The following CIMIP5 variants were observed in gnomAD, a reference collection of about 807,000 sequenced individuals.
The protein encoded by CIMIP5 is ciliary microtubule inner protein 5, also known as uncharacterized protein C2orf50.
At chr2:11,151,277 C>T in the CIMIP5 span, among the ~76,000 whole-genome samples, 1 of 152,208 alleles carries the variant, frequency 6.6e-6, no homozygotes, top group African/African-American at 2.4e-5. Context: ...GGGGACGTGT[C>T]GTCAGGACCT....
the CIMIP5 span, among the ~76,000 whole-genome samples, chr2:11,151,653 A>G: frequency 6.6e-6 from 1 of 152,354 alleles, no homozygotes; most frequent in African/African-American, 2.4e-5. Flanking sequence ...TTGGTTTTAG[A>G]CGGAGTCTCG....
At chr2:11,144,248 C>T in the CIMIP5 span, 1 of 655,084 alleles carries the variant, frequency 1.5e-6, no homozygotes, top group East Asian at 3.2e-5. Context: ...GACACTCTTC[C>T]AGGGGACCCA....
At chr2:11,143,958 G>T in the CIMIP5 span, 2 of 1,603,210 alleles carry the variant, frequency 1.2e-6, no homozygotes, top group Admixed American at 1.7e-5. Context: ...CAGACCATGT[G>T]CCTCTCTTTT....
the CIMIP5 span, chr2:11,133,649 A>G: frequency 6.5e-7 from 1 of 1,544,632 alleles, no homozygotes. Context: ...CAAGTTGGGG[A>G]AGGTTTTGGA....
the CIMIP5 span, among the ~76,000 whole-genome samples, chr2:11,135,491 T>A: frequency 1.3e-5 from 2 of 151,532 alleles, no homozygotes; most frequent in African/African-American, 4.9e-5. Context: ...AGTGAAGTGG[T>A]GTGATCTCGG....
At chr2:11,134,477 C>T in the CIMIP5 span, among the ~76,000 whole-genome samples, 209 of 152,308 alleles carry the variant, frequency 1.4e-3, no homozygotes, top group African/African-American at 4.6e-3. Flanking sequence ...TGATTAGCAA[C>T]GCCCCATTCC....
At chr2:11,140,603 C>G in the CIMIP5 span, 1 of 1,359,060 alleles carries the variant, frequency 7.4e-7, no homozygotes. Context: ...ATTACTCATT[C>G]TTTCCATCAT....
At chr2:11,142,287 A>AG in the CIMIP5 span, among the ~76,000 whole-genome samples, 1 of 149,234 alleles carries the variant, frequency 6.7e-6, no homozygotes, top group African/African-American at 2.5e-5. Context: ...AAAAAAAAAA[A>AG]GATGGTCAAA....
At chr2:11,154,543 C>T in the CIMIP5 span, among the ~76,000 whole-genome samples, 1 of 152,168 alleles carries the variant, frequency 6.6e-6, no homozygotes, top group Non-Finnish European at 1.5e-5. Flanking sequence ...ATAACCAGGC[C>T]CTAATACACA....
chr2:11,139,493 C>T, the CIMIP5 span, among the ~76,000 whole-genome samples: 1 of 152,182 alleles, frequency 6.6e-6, no homozygotes, highest in African/African-American at 2.4e-5. Flanking sequence ...CTAATACTAT[C>T]CTTATGGTCC....
chr2:11,149,906 G>T, the CIMIP5 span, among the ~76,000 whole-genome samples: 1 of 152,154 alleles, frequency 6.6e-6, no homozygotes, highest in Non-Finnish European at 1.5e-5. Context: ...GCAGAGTGTG[G>T]TGAGTCCATT....
the CIMIP5 span, among the ~76,000 whole-genome samples, chr2:11,140,086 C>CAAAAAAAAA: frequency 5.9e-5 from 5 of 84,774 alleles, 1 homozygote; most frequent in South Asian, 4.4e-4. Flanking sequence ...GACTCCCTCT[C>CAAAAAAAAA]AAAAAAAAAA....
chr2:11,136,550 G>A, the CIMIP5 span, among the ~76,000 whole-genome samples: 4 of 152,100 alleles, frequency 2.6e-5, no homozygotes, highest in Middle Eastern at 3.4e-3. Context: ...CAGGAGTTGC[G>A]CATTAAAAAC....
chr2:11,148,088 A>C, the CIMIP5 span, among the ~76,000 whole-genome samples: 3 of 151,912 alleles, frequency 2.0e-5, no homozygotes, highest in Non-Finnish European at 4.4e-5. Context: ...CCTGAGAGCC[A>C]TAGCAAGCCT....
chr2:11,142,608 A>G, the CIMIP5 span, among the ~76,000 whole-genome samples: 7,548 of 151,842 alleles, frequency 0.05, 635 homozygotes, highest in African/African-American at 0.17. Context: ...GAAAACCATG[A>G]TCTCCTTACT....
the CIMIP5 span, chr2:11,133,732 A>G: frequency 1.6e-5 from 22 of 1,357,456 alleles, no homozygotes; most frequent in East Asian, 4.2e-4. Flanking sequence ...AAGGTGGGTC[A>G]CCAGCCCAGC....
chr2:11,145,700 T>A, the CIMIP5 span: 1 of 152,226 alleles, frequency 6.6e-6, no homozygotes, highest in Non-Finnish European at 1.5e-5. Context: ...GGTATTGGCT[T>A]GTTCTCCTTT....
the CIMIP5 span, chr2:11,133,280 G>GGTCT: frequency 3.1e-6 from 4 of 1,282,338 alleles, no homozygotes; most frequent in South Asian, 1.3e-5. Context: ...CTCAGGCACA[G>GGTCT]GTCTCTCTCT....
chr2:11,140,994 A>T, the CIMIP5 span, among the ~76,000 whole-genome samples: 4 of 152,148 alleles, frequency 2.6e-5, no homozygotes, highest in Non-Finnish European at 4.4e-5. Context: ...AGAACTGGCC[A>T]TGTAGCTCCC....
Sources: gnomAD v4.1 joint callset for allele counts (sites outside exome capture counted in the v4.1 genomes callset) on GRCh38, gnomAD v4.1.1 for gene constraint, MANE v1.5 for transcripts, NCBI Gene and HGNC (gene_info 2026-07-23, HGNC 2026-07-21) for gene names.